The following KCNK5 variants were observed in gnomAD, a reference collection of about 807,000 sequenced individuals.
KCNK5 encodes the protein potassium channel subfamily K member 5.
In KCNK5, 18 loss-of-function variants were observed where a neutral mutation model predicts 32.9. The ratio of observed to expected loss-of-function variants is 0.55; its 90% CI spans 0.38 to 0.81. The LOEUF (loss-of-function observed/expected upper bound fraction) is 0.81, where lower values mean the gene tolerates loss of function less well. KCNK5 is among the 30% of genes least tolerant of loss of function. KCNK5 has a pLI of 0.00. For synonymous variants in KCNK5, 276 were observed against 275.3 expected (o/e 1.00, Z -0.03); for missense variants, 507 against 651.0 (o/e 0.78, Z 2.41).
intron 1 of KCNK5, among the ~76,000 whole-genome samples, chr6:39,217,135 A>AAAAAAG: frequency 6.7e-6 from 1 of 148,968 alleles, no homozygotes; most frequent in East Asian, 2.0e-4. Flanking sequence ...AAAAAAAAAA[A>AAAAAAG]AAAAAAAAGA....
chr6:39,220,226 C>A (rs757849293), intron 1 of KCNK5, among the ~76,000 whole-genome samples: 1 of 152,214 alleles, frequency 6.6e-6, no homozygotes, highest in Non-Finnish European at 1.5e-5. Flanking sequence ...CAAGCATCCC[C>A]GCTCATAGCA....
intron 1 of KCNK5, among the ~76,000 whole-genome samples, chr6:39,205,914 C>T (rs763003081): frequency 1.3e-5 from 2 of 152,158 alleles, no homozygotes; most frequent in Admixed American, 1.3e-4. Context: ...CATTCCTCCC[C>T]GACTTGGTTA....
chr6:39,191,360 G>A lies in KCNK5; in HGVS notation c.1030C>T (p.Leu344=), dbSNP rs750587073. 3.1e-6 allele frequency: 5 copies of A among 1,613,776 alleles called. No individual in the cohort carries two copies. The highest frequency in any genetic ancestry group is 4.2e-6 in the Non-Finnish European group (5 of 1,180,004). The change falls in exon 5 of 5, where the codon CTG becomes TTG. Residue 344 remains leucine, a synonymous_variant. Coordinates refer to ENST00000359534, the MANE Select transcript of KCNK5 (RefSeq NM_003740.4). The surrounding 1 kb of genome is among the most constrained non-coding windows in gnomAD (Gnocchi z 5.8). ...LPALPPSLVP[L]VVYSKNRVPT... is the part of the protein sequence containing the mutation. ...ACCCGGTTCTTGGAGTAGACTACCA[G>A]GGGCACCAGGGAAGGGGGCAGTGCT...
chr6:39,191,156 G>T lies in KCNK5; in HGVS notation c.1234C>A (p.Pro412Thr). The T allele has an allele frequency of 6.2e-7, 1 of 1,614,220 alleles. No homozygotes were observed. Residue 412 changes from proline to threonine, a missense_variant, in exon 5 of 5, where the codon CCA (proline) becomes ACA (threonine). Transcript: ENST00000359534. This position sits in a 1 kb window ranked among gnomAD's most constrained non-coding sequence, Gnocchi z 5.8. ...ATGCTGGCGTCCTGGAAGATGAGTGGGTGGTAGTCCTGGGCGTCCCATGGC... is the reference window on the plus strand; with the variant it reads ...ATGCTGGCGTCCTGGAAGATGAGTGTGTGGTAGTCCTGGGCGTCCCATGGC... ...CEPWDAQDYH[P>T]LIFQDASITF...
chr6:39,215,964 C>A (rs1287155930), intron 1 of KCNK5, among the ~76,000 whole-genome samples: 2 of 152,204 alleles, frequency 1.3e-5, no homozygotes, highest in African/African-American at 4.8e-5. Flanking sequence ...GTGGCAGCCA[C>A]TTATATAGCC....
At position 39,228,954 on chromosome 6, in the gene KCNK5, C is replaced by T; in HGVS notation, c.158G>A (p.Gly53Asp). Residue 53 changes from glycine (G) to aspartate (D), a missense_variant, in exon 1 of 5, where the codon GGT (glycine) becomes GAT (aspartate). Gly to Asp is a moderately conservative substitution (Grantham distance 94, BLOSUM62 -1). This residue lies in a region of KCNK5 where 143 missense variants were observed against 219.1 expected (regional missense o/e 0.65). Transcript: ENST00000359534. ...TAGGATCTTGTCCAGGCCCTCCTGACCCAGGCACGGGAACTCCTTGAGCAG... is the reference window on the plus strand; with the variant it reads ...TAGGATCTTGTCCAGGCCCTCCTGATCCAGGCACGGGAACTCCTTGAGCAG... ...LHLLKEFPCL[G>D]QEGLDKILEV... The T allele has an allele frequency of 6.2e-7, 1 of 1,614,162 alleles. No homozygotes were observed. The highest frequency in any genetic ancestry group is 8.5e-7 in the Non-Finnish European group (1 of 1,180,026).
chr6:39,210,387 T>C (rs565673042), intron 1 of KCNK5, among the ~76,000 whole-genome samples: 2 of 151,988 alleles, frequency 1.3e-5, no homozygotes, highest in East Asian at 3.9e-4. Context: ...GAACAGGGGG[T>C]TCTCGTCACC....
intron 1 of KCNK5, among the ~76,000 whole-genome samples, chr6:39,224,261 A>T (rs984186535): frequency 3.9e-5 from 6 of 152,156 alleles, no homozygotes; most frequent in African/African-American, 1.4e-4. Flanking sequence ...GGCCTCCAAG[A>T]TCCTCCATAA....
chr6:39,213,845 T>C (rs1771382422), intron 1 of KCNK5, among the ~76,000 whole-genome samples: 1 of 152,068 alleles, frequency 6.6e-6, no homozygotes, highest in Admixed American at 6.5e-5. Context: ...GCCAACATAG[T>C]GAAACCCCGT....
At chr6:39,200,018 G>A (rs1771109074) in intron 1 of KCNK5, among the ~76,000 whole-genome samples, 1 of 152,194 alleles carries the variant, frequency 6.6e-6, no homozygotes, top group Non-Finnish European at 1.5e-5. Context: ...GCAGGAAGAG[G>A]AGGGGGCTTT....
At position 39,191,451 on chromosome 6, in the gene KCNK5, C is replaced by T. The variant is rs200653949; in HGVS notation, c.939G>A (p.Met313Ile). 6.2e-7 allele frequency: 1 copy of T among 1,612,118 alleles called. No individual in the cohort carries two copies. The highest frequency in any genetic ancestry group is 2.2e-5 in the East Asian group (1 of 44,806). ...DLIKQIGKKA[M>I]KTSGGGETGP... ...CCGTCTCCCCACCCCCGCTTGTCTT[C>T]ATGGCCTTCTTCCCGATCTGCTTGA... is the stretch of plus-strand genomic sequence containing the variant. Residue 313 changes from methionine (M) to isoleucine (I), a missense_variant, in exon 5 of 5, where the codon ATG becomes ATA. This residue lies in a region of KCNK5 where 252 missense variants were observed against 250.8 expected (regional missense o/e 1.00). Transcript: ENST00000359534. The surrounding 1 kb of genome is among the most constrained non-coding windows in gnomAD (Gnocchi z 5.8).
At chr6:39,197,513 G>A (rs1771051489) in intron 1 of KCNK5, among the ~76,000 whole-genome samples, 1 of 152,212 alleles carries the variant, frequency 6.6e-6, no homozygotes. Flanking sequence ...GGCAGCCCCT[G>A]CCCTCAGAGA....
Position 39,191,622 on chromosome 6 carries a change from A to G in KCNK5, c.768T>C (p.Ile256=). The G allele has an allele frequency of 6.2e-7, 1 of 1,613,992 alleles. No homozygotes were observed. The highest frequency in any genetic ancestry group is 1.1e-5 in the South Asian group (1 of 91,076). Residue 256 remains isoleucine (I), a synonymous_variant, in exon 5 of 5, where the codon ATT becomes ATC. Transcript: ENST00000359534. This position sits in a 1 kb window ranked among gnomAD's most constrained non-coding sequence, Gnocchi z 5.8. ...CCTTCCGTCGCCGCCGCCGCTTCTT[A>G]ATGGCTTTGTGGACTTCCACAAACA... ...VSMFVEVHKA[I]KKRRRRRKES...
In KCNK5 at chr6:39,194,643, C is replaced by G; in HGVS notation, c.416G>C (p.Gly139Ala). The G allele has an allele frequency of 6.2e-7, 1 of 1,614,124 alleles. No individual in the cohort carries two copies. Among genetic ancestry groups the G allele is most frequent in the Non-Finnish European group, 8.5e-7 (1 of 1,180,022 alleles). The part of the protein sequence containing the change: ...WISALGKFFG[G>A]RAKRLGQFLT... ...GAACTGCCCTAGTCTCTTGGCACGT[C>G]CCCCGAAGAACTTGCCCAGGGCACT... The change falls in exon 3 of 5, where the codon GGA becomes GCA. Residue 139 changes from glycine to alanine, a missense_variant. Gly to Ala is a moderately conservative substitution (Grantham distance 60). Around this residue, in one of 6 missense-constraint regions of KCNK5, gnomAD observed 143 missense variants for 219.1 expected, o/e 0.65. Transcript: ENST00000359534. This position sits in a 1 kb window ranked among gnomAD's most constrained non-coding sequence, Gnocchi z 4.7.
intron 1 of KCNK5, among the ~76,000 whole-genome samples, chr6:39,213,231 T>C (rs114523838): frequency 0.014 from 2,138 of 152,382 alleles, 45 homozygotes; most frequent in African/African-American, 0.048. Flanking sequence ...GGTACATGCA[T>C]GTATTTTATC....
intron 1 of KCNK5, among the ~76,000 whole-genome samples, chr6:39,201,871 C>T (rs1326552977): frequency 6.6e-6 from 1 of 152,164 alleles, no homozygotes; most frequent in Non-Finnish European, 1.5e-5. Flanking sequence ...GTATTACTAC[C>T]CCCATCTTAC....
At chr6:39,212,425 T>C (rs1771358398) in intron 1 of KCNK5, among the ~76,000 whole-genome samples, 1 of 152,208 alleles carries the variant, frequency 6.6e-6, no homozygotes, top group African/African-American at 2.4e-5. Context: ...GCAGCCTCCT[T>C]TGGCAGAGCC....
intron 1 of KCNK5, among the ~76,000 whole-genome samples, chr6:39,215,227 A>AC (rs1329086952): frequency 6.6e-6 from 1 of 152,024 alleles, no homozygotes; most frequent in African/African-American, 2.4e-5. Flanking sequence ...TTTCCTGCTA[A>AC]CCCGGGGGGT....
chr6:39,194,358 A>G lies in KCNK5; in HGVS notation c.466-21T>C. On this transcript the variant is annotated intron_variant, in intron 3 of 4. Coordinates refer to ENST00000359534, the MANE Select transcript of KCNK5 (RefSeq NM_003740.4). This position sits in a 1 kb window ranked among gnomAD's most constrained non-coding sequence, Gnocchi z 4.7. ...TTCCGCTGATGGGGAGCAGGAGGCC[A>G]AGTCAGAGAATAGTGGAGACTTGGA... The G allele has an allele frequency of 1.3e-6, 2 of 1,583,830 alleles. No individual in the cohort carries two copies. The highest frequency in any genetic ancestry group is 1.7e-6 in the Non-Finnish European group (2 of 1,164,136).
Sources: gnomAD v4.1 joint callset for allele counts (sites outside exome capture counted in the v4.1 genomes callset) on GRCh38, gnomAD v4.1.1 for gene constraint, gnomAD v4.1.1 regional missense constraint, Gnocchi (gnomAD v3.1) non-coding constraint, MANE v1.5 for transcripts, NCBI Gene and HGNC (gene_info 2026-07-23, HGNC 2026-07-21) for gene names.